Variants in MSRA observed in about 807,000 individuals in gnomAD.
The protein encoded by MSRA is methionine sulfoxide reductase A, also known as mitochondrial peptide methionine sulfoxide reductase.
In MSRA, 54 loss-of-function variants were observed where a neutral mutation model predicts 31.3. That is an observed-to-expected ratio of 1.73 (90% CI 1.39 to 2.17). The LOEUF (loss-of-function observed/expected upper bound fraction) is 2.17. Ranked by LOEUF, MSRA falls within the 30% of genes most tolerant of loss-of-function variation. The pLI is 0.00. For synonymous variants in MSRA, 169 were observed against 116.5 expected (o/e 1.45, Z -2.90); for missense variants, 507 against 300.9 (o/e 1.69, Z -5.07).
intron 4 of MSRA, among the ~76,000 whole-genome samples, chr8:10,310,711 T>C (rs1017684810): frequency 2.2e-4 from 33 of 152,228 alleles, no homozygotes; most frequent in African/African-American, 7.5e-4. Flanking sequence ...AGCCACTTAC[T>C]ACATTGCTTG....
At chr8:10,145,577 C>T (rs1055955874) in intron 1 of MSRA, among the ~76,000 whole-genome samples, 4 of 152,164 alleles carry the variant, frequency 2.6e-5, no homozygotes, top group Non-Finnish European at 4.4e-5. Context: ...GGGCGGGTGG[C>T]CTTCTTGTAC....
intron 4 of MSRA, among the ~76,000 whole-genome samples, chr8:10,311,767 A>C (rs1188794472): frequency 2.6e-5 from 4 of 152,110 alleles, no homozygotes; most frequent in African/African-American, 9.7e-5. Flanking sequence ...TTTCAAAAAA[A>C]CTAGCTGGGC....
At chr8:10,103,763 G>A (rs1799687625) in intron 1 of MSRA, among the ~76,000 whole-genome samples, 1 of 151,360 alleles carries the variant, frequency 6.6e-6, no homozygotes, top group Non-Finnish European at 1.5e-5. Flanking sequence ...CAAATAGATA[G>A]CAAAGTATTA....
intron 5 of MSRA, among the ~76,000 whole-genome samples, chr8:10,339,077 A>G (rs1803242374): frequency 1.3e-5 from 2 of 152,256 alleles, no homozygotes; most frequent in Admixed American, 6.5e-5. Context: ...CCTTGTTCTT[A>G]TGAACCTTGA....
chr8:10,117,215 G>A (rs570470703), intron 1 of MSRA, among the ~76,000 whole-genome samples: 20 of 152,240 alleles, frequency 1.3e-4, no homozygotes, highest in Admixed American at 6.5e-4. Context: ...TGAGTTCCTA[G>A]GTTTGATTTT....
At chr8:10,273,465 T>C (rs2129101987) in intron 3 of MSRA, among the ~76,000 whole-genome samples, 1 of 152,338 alleles carries the variant, frequency 6.6e-6, no homozygotes, top group African/African-American at 2.4e-5. Context: ...GGGAAAATAG[T>C]TTTCTATCCC....
intron 1 of MSRA, among the ~76,000 whole-genome samples, chr8:10,061,987 C>T (rs1797219833): frequency 2.0e-5 from 3 of 152,112 alleles, no homozygotes. Flanking sequence ...TTATTGTGAG[C>T]CCCTGCGTTG....
chr8:10,351,755 C>T (rs999707705), intron 5 of MSRA, among the ~76,000 whole-genome samples: 1 of 152,206 alleles, frequency 6.6e-6, no homozygotes, highest in African/African-American at 2.4e-5. Flanking sequence ...GGCAGTACTT[C>T]TCAAACTTTC....
chr8:10,121,159 G>T (rs1013601546), intron 1 of MSRA, among the ~76,000 whole-genome samples: 7 of 152,144 alleles, frequency 4.6e-5, no homozygotes, highest in Non-Finnish European at 7.3e-5. Flanking sequence ...TTTGTCGATG[G>T]TAGGCAAAAA....
chr8:10,080,812 T>C (rs1798254801), intron 1 of MSRA, among the ~76,000 whole-genome samples: 1 of 152,034 alleles, frequency 6.6e-6, no homozygotes, highest in Admixed American at 6.6e-5. Context: ...GTGCTGGGAT[T>C]ATAGGTGTGA....
chr8:10,425,326 T>C (rs1227125327), intron 5 of MSRA, among the ~76,000 whole-genome samples: 2 of 152,192 alleles, frequency 1.3e-5, no homozygotes, highest in African/African-American at 4.8e-5. Context: ...TTGGAGGTTT[T>C]TCTTAGTGAA....
intron 1 of MSRA, among the ~76,000 whole-genome samples, chr8:10,144,428 G>A (rs1270887852): frequency 5.9e-5 from 9 of 152,138 alleles, no homozygotes; most frequent in African/African-American, 2.2e-4. Context: ...TGAGGATGAC[G>A]TAAGTTAATA....
intron 5 of MSRA, among the ~76,000 whole-genome samples, chr8:10,389,896 C>T (rs1041995605): frequency 6.6e-6 from 1 of 151,972 alleles, no homozygotes; most frequent in Non-Finnish European, 1.5e-5. Context: ...CAGAATCGCC[C>T]ATGGTGCACG....
At chr8:10,112,458 A>G (rs1284786538) in intron 1 of MSRA, among the ~76,000 whole-genome samples, 3 of 152,260 alleles carry the variant, frequency 2.0e-5, no homozygotes, top group Non-Finnish European at 4.4e-5. Flanking sequence ...AATGCCTGCC[A>G]CAGTCACAGT....
intron 4 of MSRA, among the ~76,000 whole-genome samples, chr8:10,317,959 G>A (rs1801822327): frequency 6.6e-6 from 1 of 152,056 alleles, no homozygotes; most frequent in African/African-American, 2.4e-5. Context: ...CAACCCACCA[G>A]CTTCAGGACC....
chr8:10,295,359 G>T (rs925044792), intron 3 of MSRA, among the ~76,000 whole-genome samples: 48 of 152,168 alleles, frequency 3.2e-4, no homozygotes, highest in African/African-American at 1.2e-3. Flanking sequence ...TCCCCACGAA[G>T]CCTCTCCGGA....
At position 10,130,245 on chromosome 8, in the gene MSRA, C is replaced by G. The variant is rs139387257; in HGVS notation, c.142+75587C>G. 2.1e-3 allele frequency among the ~76,000 whole-genome samples: 316 copies of G among 152,320 alleles called. 2 individuals carry two copies. Among genetic ancestry groups the G allele is most frequent in the African/African-American group, 7.2e-3 (301 of 41,574 alleles). On this transcript the variant is annotated intron_variant, in intron 1 of 5. Coordinates refer to ENST00000317173, the MANE Select transcript of MSRA (RefSeq NM_012331.5). Reference sequence around the variant, plus strand: ...TGTATACTGACAGTGTGGAACATTTCTCAGCAACTTTGTGAATTAGAGACT... The same window carrying G: ...TGTATACTGACAGTGTGGAACATTTGTCAGCAACTTTGTGAATTAGAGACT...
chr8:10,213,091 C>G (rs988646418), intron 2 of MSRA, among the ~76,000 whole-genome samples: 2 of 152,282 alleles, frequency 1.3e-5, no homozygotes, highest in Middle Eastern at 3.4e-3. Flanking sequence ...TTACTACTAA[C>G]TATAGTCACC....
At chr8:10,257,280 C>T (rs1798233435) in intron 3 of MSRA, among the ~76,000 whole-genome samples, 3 of 152,186 alleles carry the variant, frequency 2.0e-5, no homozygotes, top group East Asian at 1.9e-4. Context: ...CCACAAAAAA[C>T]AGTGTAATTA....
Sources: allele counts gnomAD v4.1 joint callset (sites outside exome capture counted in the v4.1 genomes callset), GRCh38; gene constraint gnomAD v4.1.1; transcripts MANE v1.5; gene names NCBI Gene and HGNC (gene_info 2026-07-23, HGNC 2026-07-21).